Variants in MGA observed in about 807,000 individuals in gnomAD.
MGA encodes MAX dimerization protein MGA, also known as MAX gene-associated protein.
Under a neutral mutation model 261.1 loss-of-function variants are expected in MGA, and 40 were observed. That is an observed-to-expected ratio of 0.15 (90% CI 0.12 to 0.20). The LOEUF is 0.20. MGA is among the 10% of genes least tolerant of loss of function. The probability of loss-of-function intolerance (pLI) is 1.00; values close to 1 mark genes in which losing one functional copy is unlikely to be tolerated. For synonymous variants in MGA, 1,302 were observed against 1,290.6 expected, an observed-to-expected ratio of 1.01 and a Z score of -0.19; for missense variants, 3,397 against 3,630.5, an observed-to-expected ratio of 0.94 and a Z score of 1.65.
chr15:41,763,523 C>A (rs1250962124), intron 22 of MGA, among the ~76,000 whole-genome samples: 1 of 151,766 alleles, frequency 6.6e-6, no homozygotes. Context: ...GCGGGCAGAT[C>A]ACCTGAGGTT....
rs115514409 is a variant in MGA, at chr15:41,749,872, A to G, written c.6265A>G (p.Ile2089Val). The change falls in exon 17 of 24, where the codon ATT (isoleucine) becomes GTT (valine). Residue 2089 changes from isoleucine (I) to valine (V), a missense_variant. Transcript: ENST00000219905. ...AGTGGCTGTTCTGGAAGTTAGGACCATTTCTGAAAAAGCCAGTAATAAGAC... is the reference window on the plus strand; with the variant it reads ...AGTGGCTGTTCTGGAAGTTAGGACCGTTTCTGAAAAAGCCAGTAATAAGAC... The G allele has an allele frequency of 3.2e-4, 514 of 1,613,976 alleles. 2 individuals are homozygous for G. In the African/African-American group the frequency reaches 6.1e-3, roughly 19 times the overall value.
At chr15:41,678,159 C>A (rs1016284344) in intron 2 of MGA, among the ~76,000 whole-genome samples, 1 of 148,458 alleles carries the variant, frequency 6.7e-6, no homozygotes, top group Non-Finnish European at 1.5e-5. Context: ...GGTGTGATCT[C>A]GACTCACTGC....
At chr15:41,717,612 G>T (rs1291640459) in intron 9 of MGA, among the ~76,000 whole-genome samples, 2 of 152,158 alleles carry the variant, frequency 1.3e-5, no homozygotes, top group East Asian at 3.8e-4. Flanking sequence ...ACTTATTAGA[G>T]AATTGAACTT....
chr15:41,676,201 G>C (rs1480787083), intron 2 of MGA, among the ~76,000 whole-genome samples: 1 of 144,434 alleles, frequency 6.9e-6, no homozygotes, highest in Non-Finnish European at 1.5e-5. Context: ...TTTTTTTTTT[G>C]AGACGAAGTC....
At chr15:41,671,057 A>G (rs2058032530) in intron 2 of MGA, among the ~76,000 whole-genome samples, 1 of 152,170 alleles carries the variant, frequency 6.6e-6, no homozygotes. Flanking sequence ...CTGGCCAACT[A>G]AGGGACTTGA....
At chr15:41,713,786 G>T (rs1441337639) in intron 9 of MGA, among the ~76,000 whole-genome samples, 1 of 152,034 alleles carries the variant, frequency 6.6e-6, no homozygotes, top group Non-Finnish European at 1.5e-5. Flanking sequence ...CCATTTTCTG[G>T]ATTGTGCGCA....
chr15:41,625,007 G>A (rs572230512), intron 1 of MGA, among the ~76,000 whole-genome samples: 3 of 152,040 alleles, frequency 2.0e-5, no homozygotes, highest in Non-Finnish European at 2.9e-5. Context: ...GCTTGGTGTG[G>A]TGGCACATCC....
chr15:41,718,740 A>G (rs1243022809), intron 9 of MGA: 1 of 181,992 alleles, frequency 5.5e-6, no homozygotes, highest in Admixed American at 6.1e-5. Flanking sequence ...AATTCTCAGC[A>G]CACTAGGAAT....
At position 41,725,572 on chromosome 15, in the gene MGA, G is replaced by A. The variant is rs528111178; in HGVS notation, c.3431-1608G>A. On this transcript the variant is annotated intron_variant, in intron 9 of 23. Coordinates refer to ENST00000219905, the MANE Select transcript of MGA (RefSeq NM_001164273.2). ...AGTAGGGCCGGGCGCGGTGGCTCAC[G>A]CCTGTAATCCCAGCACTTTGGGAGG... Among the ~76,000 whole-genome samples the A allele has an allele frequency of 2.0e-3, 16 of 8,154 alleles. 3 individuals carry two copies. The highest frequency in any genetic ancestry group is 3.3e-3 in the African/African-American group (16 of 4,890). 5.3% of individuals were successfully genotyped at this position (8,154 alleles called of 152,430 possible).
chr15:41,700,610 CTT>C (rs904012716), intron 5 of MGA, among the ~76,000 whole-genome samples: 5 of 152,144 alleles, frequency 3.3e-5, no homozygotes, highest in African/African-American at 1.2e-4. Flanking sequence ...TCATTTTTAT[CTT>C]TATTTTATTG....
Position 41,668,986 on chromosome 15 carries a change from C to T in MGA, c.92C>T (p.Pro31Leu). ...ACCTTCTTTGTCATCTTAAAGCAGC[C>T]AGGAAATGGCAAAACTGATCAAGGA... Residue 31 changes from proline (P) to leucine (L), a missense_variant, in exon 2 of 24, where the codon CCA (proline) becomes CTA (leucine). Physicochemically the swap from Pro to Leu is moderately conservative, Grantham distance 98 (BLOSUM62 -3). Around this residue, in one of 9 missense-constraint regions of MGA, gnomAD observed 81 missense variants for 84.3 expected, o/e 0.96. Coordinates refer to ENST00000219905, the MANE Select transcript of MGA (RefSeq NM_001164273.2). 1 of 1,613,346 alleles carries T rather than the reference C, an allele frequency of 6.2e-7. No homozygotes were observed.
At chr15:41,693,486 A>G (rs1036264321) in intron 2 of MGA, among the ~76,000 whole-genome samples, 4 of 152,080 alleles carry the variant, frequency 2.6e-5, no homozygotes, top group African/African-American at 9.7e-5. Flanking sequence ...TCTTAAGTAG[A>G]AATTGTGCAA....
At chr15:41,633,149 C>G (rs2056626862) in intron 1 of MGA, among the ~76,000 whole-genome samples, 1 of 152,096 alleles carries the variant, frequency 6.6e-6, no homozygotes, top group Non-Finnish European at 1.5e-5. Context: ...CGGGGTTTCA[C>G]TGCGTTAGCC....
intron 2 of MGA, among the ~76,000 whole-genome samples, chr15:41,673,221 T>A (rs1294171676): frequency 6.6e-6 from 1 of 151,940 alleles, no homozygotes; most frequent in Non-Finnish European, 1.5e-5. Context: ...CTTTCTTTCT[T>A]TTTTTTTCTT....
In MGA at chr15:41,742,658, G is replaced by A. The variant is rs767226088; in HGVS notation, c.4698G>A (p.Gln1566=). ...CACCCCAAACCCTGGCAGGGACACA[G>A]AAGTTCAGTATCAGACCTTCTCCAG... The change falls in exon 15 of 24, where the codon CAG becomes CAA. Residue 1566 remains glutamine (Q), a synonymous_variant. Coordinates refer to ENST00000219905, the MANE Select transcript of MGA (RefSeq NM_001164273.2). The A allele has an allele frequency of 6.2e-7, 1 of 1,613,960 alleles. No homozygotes were observed.
chr15:41,704,847 GTC>G (rs1161598239), intron 5 of MGA, among the ~76,000 whole-genome samples: 1 of 152,072 alleles, frequency 6.6e-6, no homozygotes, highest in East Asian at 1.9e-4. Context: ...AGGTGAATCT[GTC>G]TTTGCTTGAA....
intron 15 of MGA, among the ~76,000 whole-genome samples, chr15:41,745,305 A>G (rs2062390423): frequency 6.7e-6 from 1 of 149,726 alleles, no homozygotes; most frequent in Non-Finnish European, 1.5e-5. Flanking sequence ...AAAAAAAAAA[A>G]AAGAGACAGC....
At chr15:41,695,659 A>G (rs577926617) in intron 2 of MGA, among the ~76,000 whole-genome samples, 1 of 152,300 alleles carries the variant, frequency 6.6e-6, no homozygotes, top group South Asian at 2.1e-4. Context: ...ATTTTGGAAG[A>G]ATTAGTGGTG....
chr15:41,686,068 G>A (rs2058948054), intron 2 of MGA, among the ~76,000 whole-genome samples: 1 of 151,642 alleles, frequency 6.6e-6, no homozygotes, highest in Non-Finnish European at 1.5e-5. Flanking sequence ...AAATCCAGCT[G>A]AGTTTTACTA....
Sources: allele counts gnomAD v4.1 joint callset (sites outside exome capture counted in the v4.1 genomes callset), GRCh38; gene constraint gnomAD v4.1.1; regional missense constraint gnomAD v4.1.1; transcripts MANE v1.5; gene names NCBI Gene and HGNC (gene_info 2026-07-23, HGNC 2026-07-21).